Variants in CSMD1 observed in about 807,000 individuals in gnomAD.
CSMD1 encodes CUB and sushi domain-containing protein 1.
CSMD1 carries 213 observed loss-of-function variants against 417.5 expected under a neutral mutation model. That is an observed-to-expected ratio of 0.51 (90% CI 0.46 to 0.57). The LOEUF is 0.57. Ranked by LOEUF, CSMD1 falls within the 20% of genes least tolerant of loss-of-function variation. The pLI, the probability that CSMD1 is intolerant of heterozygous loss-of-function variation, is 0.00. For synonymous variants in CSMD1, 2,862 were observed against 1,736.8 expected (o/e 1.65, Z -16.11); for missense variants, 6,923 against 4,529.7 (o/e 1.53, Z -15.17).
chr8:4,364,238 A>C (rs1238562121), intron 3 of CSMD1, among the ~76,000 whole-genome samples: 1 of 152,236 alleles, frequency 6.6e-6, no homozygotes, highest in Admixed American at 6.5e-5. Context: ...TTAACATTAA[A>C]AATGCTTTAC....
chr8:4,615,062 T>C (rs182434272), intron 2 of CSMD1, among the ~76,000 whole-genome samples: 24 of 152,262 alleles, frequency 1.6e-4, no homozygotes, highest in African/African-American at 5.8e-4. Context: ...GCTTCCTATT[T>C]GTCTCAGATC....
intron 3 of CSMD1, among the ~76,000 whole-genome samples, chr8:4,235,674 G>A (rs1007457195): frequency 1.8e-4 from 27 of 152,134 alleles, no homozygotes; most frequent in Non-Finnish European, 3.1e-4. Flanking sequence ...GGGTCAGCCT[G>A]TTGCCATGTT....
intron 5 of CSMD1, among the ~76,000 whole-genome samples, chr8:3,833,666 T>A (rs1802498801): frequency 6.6e-6 from 1 of 152,094 alleles, no homozygotes. Flanking sequence ...GGGACAACTT[T>A]AAAAATAAAT....
intron 4 of CSMD1, among the ~76,000 whole-genome samples, chr8:4,030,480 C>G (rs536267921): frequency 1.3e-5 from 2 of 152,192 alleles, no homozygotes; most frequent in Admixed American, 6.5e-5. Context: ...TTGCCCCTTT[C>G]AGCCACAGTT....
chr8:3,537,037 C>G (rs1172734414), intron 10 of CSMD1, among the ~76,000 whole-genome samples: 2 of 151,950 alleles, frequency 1.3e-5, no homozygotes, highest in African/African-American at 2.4e-5. Context: ...TGGAGTCTTT[C>G]TCTGTTGCCG....
intron 5 of CSMD1, among the ~76,000 whole-genome samples, chr8:3,887,227 C>T (rs1031656261): frequency 2.6e-5 from 4 of 152,164 alleles, no homozygotes; most frequent in Non-Finnish European, 5.9e-5. Context: ...AACATCTTAG[C>T]CATGAGAAGG....
At chr8:4,651,393 G>C (rs1251821514) in intron 1 of CSMD1, among the ~76,000 whole-genome samples, 1 of 152,120 alleles carries the variant, frequency 6.6e-6, no homozygotes, top group Non-Finnish European at 1.5e-5. Context: ...CTCCACTGCT[G>C]TGCTGTTTCT....
intron 10 of CSMD1, among the ~76,000 whole-genome samples, chr8:3,559,380 A>G (rs1386978340): frequency 6.6e-6 from 1 of 152,220 alleles, no homozygotes; most frequent in Middle Eastern, 3.2e-3. Flanking sequence ...GGGAAGAAAT[A>G]CTAAGTAGCC....
intron 2 of CSMD1, among the ~76,000 whole-genome samples, chr8:4,424,005 T>C (rs573153680): frequency 6.6e-6 from 1 of 152,014 alleles, no homozygotes; most frequent in African/African-American, 2.4e-5. Flanking sequence ...TGGATGTCCA[T>C]AGCAAATAGT....
At chr8:3,716,331 G>C (rs528766249) in intron 6 of CSMD1, among the ~76,000 whole-genome samples, 3 of 152,298 alleles carry the variant, frequency 2.0e-5, no homozygotes, top group Admixed American at 1.3e-4. Context: ...TGAGAAAATA[G>C]AGGAATAAAA....
chr8:4,058,856 C>T (rs1798829399), intron 3 of CSMD1, among the ~76,000 whole-genome samples: 1 of 151,716 alleles, frequency 6.6e-6, no homozygotes, highest in Non-Finnish European at 1.5e-5. Flanking sequence ...GACTTTAACA[C>T]ACCACTGTCA....
intron 5 of CSMD1, among the ~76,000 whole-genome samples, chr8:3,923,743 T>A (rs1360201288): frequency 6.6e-6 from 1 of 152,192 alleles, no homozygotes; most frequent in Admixed American, 6.5e-5. Flanking sequence ...TGAAACTTTA[T>A]ACCCTTTGAC....
intron 5 of CSMD1, among the ~76,000 whole-genome samples, chr8:3,756,530 T>C (rs1797668925): frequency 6.6e-6 from 1 of 152,144 alleles, no homozygotes; most frequent in African/African-American, 2.4e-5. Flanking sequence ...CCACATCAGA[T>C]ACGATCCTAA....
At position 2,936,390 on chromosome 8, in the gene CSMD1, T is replaced by C. The variant is rs1269083695; in HGVS notation, c.*2195A>G. ...TGTACAATATATATATATATATATG[T>C]ATGTATATATATACACTAATATGTA... On this transcript the variant is annotated 3_prime_UTR_variant, in exon 70 of 70. Coordinates refer to ENST00000635120, the MANE Select transcript of CSMD1 (RefSeq NM_033225.6). 6.7e-6 allele frequency: 1 copy of C among 149,506 alleles called. No homozygotes were observed. The highest frequency in any genetic ancestry group is 2.0e-4 in the East Asian group (1 of 5,042). The allele number at this position is 149,506 out of a possible 1,614,324, so 9.3% of individuals were successfully genotyped here. A position where few individuals can be genotyped will look rare whatever the true frequency, so the allele number is the denominator to read the frequency against.
intron 10 of CSMD1, among the ~76,000 whole-genome samples, chr8:3,545,175 A>C (rs1368523973): frequency 2.0e-5 from 3 of 152,146 alleles, no homozygotes; most frequent in African/African-American, 7.2e-5. Flanking sequence ...AGGACTCTAC[A>C]CTTAGCAAAG....
intron 3 of CSMD1, among the ~76,000 whole-genome samples, chr8:4,046,828 G>A (rs539721404): frequency 6.6e-6 from 1 of 152,162 alleles, no homozygotes; most frequent in Non-Finnish European, 1.5e-5. Context: ...CTAAGCGCCA[G>A]GCACTTCATG....
chr8:3,105,040 G>C (rs1405100920), intron 46 of CSMD1, among the ~76,000 whole-genome samples: 2 of 152,318 alleles, frequency 1.3e-5, no homozygotes, highest in South Asian at 2.1e-4. Context: ...CCATGCACAG[G>C]TGTGAGCATC....
chr8:4,195,097 G>A (rs1265630506), intron 3 of CSMD1, among the ~76,000 whole-genome samples: 1 of 152,156 alleles, frequency 6.6e-6, no homozygotes, highest in Non-Finnish European at 1.5e-5. Context: ...CATGAAATTG[G>A]AAACAGAAAC....
At chr8:3,982,252 T>C (rs1050749348) in intron 5 of CSMD1, among the ~76,000 whole-genome samples, 1 of 150,946 alleles carries the variant, frequency 6.6e-6, no homozygotes, top group Non-Finnish European at 1.5e-5. Context: ...AGCTAAAACT[T>C]AAGAATGCTG....
Sources: gnomAD v4.1 joint callset for allele counts (sites outside exome capture counted in the v4.1 genomes callset) on GRCh38, gnomAD v4.1.1 for gene constraint, MANE v1.5 for transcripts, NCBI Gene and HGNC (gene_info 2026-07-23, HGNC 2026-07-21) for gene names.